Variants in SUGCT observed in about 807,000 individuals in gnomAD.
SUGCT encodes succinyl-CoA:glutarate CoA-transferase.
Under a neutral mutation model 55.0 loss-of-function variants are expected in SUGCT, and 41 were observed. That is an observed-to-expected ratio of 0.74 (90% CI 0.58 to 0.97). The LOEUF (loss-of-function observed/expected upper bound fraction) is 0.97, where lower values mean the gene tolerates loss of function less well. SUGCT is among the 50% of genes least tolerant of loss of function. SUGCT has a pLI of 0.00. For synonymous variants in SUGCT, 187 were observed against 200.4 expected (o/e 0.93, Z 0.56); for missense variants, 568 against 547.8 (o/e 1.04, Z -0.37).
chr7:40,783,096 T>C (rs1268602823), intron 13 of SUGCT, among the ~76,000 whole-genome samples: 1 of 152,178 alleles, frequency 6.6e-6, no homozygotes, highest in Non-Finnish European at 1.5e-5. Flanking sequence ...AGCTTCTTCC[T>C]GGCGTCAGTC....
intron 7 of SUGCT, among the ~76,000 whole-genome samples, chr7:40,241,275 A>C (rs1562603325): frequency 6.6e-6 from 1 of 152,098 alleles, no homozygotes. Flanking sequence ...AAAACTGGGC[A>C]TATCTAAATG....
At chr7:40,726,540 C>T (rs1378234281) in intron 12 of SUGCT, among the ~76,000 whole-genome samples, 1 of 152,016 alleles carries the variant, frequency 6.6e-6, no homozygotes, top group Non-Finnish European at 1.5e-5. Flanking sequence ...GTCCAAGGGT[C>T]ATCTGTATTA....
At position 40,245,424 on chromosome 7, in the gene SUGCT, T is replaced by TATATATATATACA. The variant is rs59609393; in HGVS notation, c.576+7698_576+7699insATATATATATACA. 6.9e-4 allele frequency among the ~76,000 whole-genome samples: 8 copies of TATATATATATACA among 11,656 alleles called. No individual in the cohort carries two copies. The South Asian group carries it at 0.023, about 34-fold the overall frequency. 7.6% of individuals were successfully genotyped at this position (11,656 alleles called of 152,430 possible). A position where few individuals can be genotyped will look rare whatever the true frequency, so the allele number is the denominator to read the frequency against. The stretch of plus-strand genomic sequence containing the variant: ...GTAGACATATATATATATATATATA[T>TATATATATATACA]TTTTTTTTTTTTTTTTTTTTTTTTT... On this transcript the variant is annotated intron_variant, in intron 7 of 13. Coordinates refer to ENST00000335693, the MANE Select transcript of SUGCT (RefSeq NM_001193313.2).
chr7:40,597,779 T>C lies in SUGCT; in HGVS notation c.1089+101393T>C, dbSNP rs1035464409. Among the ~76,000 whole-genome samples, 19 of 152,294 alleles carry C rather than the reference T, an allele frequency of 1.2e-4. No individual in the cohort carries two copies. The East Asian group carries it at 3.5e-3, about 28-fold the overall frequency. The stretch of plus-strand genomic sequence containing the variant: ...AACAGAGTCCACTATTGACCCACAG[T>C]TGAAATATAGCATGGAAGAGAAATG... On this transcript the variant is annotated intron_variant, in intron 12 of 13. Coordinates refer to ENST00000335693, the MANE Select transcript of SUGCT (RefSeq NM_001193313.2).
At chr7:40,419,528 T>C (rs1296579806) in intron 9 of SUGCT, among the ~76,000 whole-genome samples, 3 of 152,238 alleles carry the variant, frequency 2.0e-5, no homozygotes, top group Admixed American at 6.5e-5. Flanking sequence ...TACAAAGCTG[T>C]ACAAAGTTCA....
At chr7:40,561,688 C>CTTTTTTTT in intron 12 of SUGCT, among the ~76,000 whole-genome samples, 1 of 100,154 alleles carries the variant, frequency 1.0e-5, no homozygotes. Flanking sequence ...TAAGCCGAGT[C>CTTTTTTTT]TTTTTTTTTT....
chr7:40,955,313 C>CAGTA, the SUGCT span, among the ~76,000 whole-genome samples: 5 of 152,086 alleles, frequency 3.3e-5, no homozygotes, highest in African/African-American at 1.2e-4. Flanking sequence ...TTTCCTTGAG[C>CAGTA]AGTAGTTTGT....
chr7:40,649,344 T>C (rs1469846456), intron 12 of SUGCT, among the ~76,000 whole-genome samples: 4 of 152,176 alleles, frequency 2.6e-5, no homozygotes, highest in Admixed American at 2.6e-4. Flanking sequence ...TCACATTTAC[T>C]GAGTAGGTAC....
chr7:40,263,133 G>C (rs539725245), intron 7 of SUGCT, among the ~76,000 whole-genome samples: 1 of 152,140 alleles, frequency 6.6e-6, no homozygotes, highest in Non-Finnish European at 1.5e-5. Flanking sequence ...TGTTGGCCAG[G>C]CTGGTCTTGA....
At chr7:40,251,465 G>C (rs1430142576) in intron 7 of SUGCT, among the ~76,000 whole-genome samples, 1 of 152,148 alleles carries the variant, frequency 6.6e-6, no homozygotes, top group African/African-American at 2.4e-5. Flanking sequence ...TGAAGAGAAC[G>C]TACCACAGGA....
chr7:40,619,519 T>G (rs1194146771), intron 12 of SUGCT, among the ~76,000 whole-genome samples: 1 of 152,248 alleles, frequency 6.6e-6, no homozygotes, highest in Admixed American at 6.5e-5. Flanking sequence ...ATTTTATGAT[T>G]GAATTTTTTT....
At chr7:40,526,645 T>G (rs1011001124) in intron 12 of SUGCT, among the ~76,000 whole-genome samples, 3 of 152,122 alleles carry the variant, frequency 2.0e-5, no homozygotes, top group African/African-American at 7.2e-5. Context: ...AAAATTTTTG[T>G]TTATAATGGA....
intron 12 of SUGCT, among the ~76,000 whole-genome samples, chr7:40,633,169 C>A (rs1019035321): frequency 6.6e-6 from 1 of 152,166 alleles, no homozygotes; most frequent in African/African-American, 2.4e-5. Flanking sequence ...TTGTGTATAT[C>A]TTACTCATTC....
At chr7:40,943,148 C>T in the SUGCT span, among the ~76,000 whole-genome samples, 7 of 151,538 alleles carry the variant, frequency 4.6e-5, no homozygotes, top group Admixed American at 2.0e-4. Flanking sequence ...TGTCATATTG[C>T]CAGAATTATT....
chr7:40,692,473 C>T (rs1391791835), intron 12 of SUGCT, among the ~76,000 whole-genome samples: 1 of 152,084 alleles, frequency 6.6e-6, no homozygotes, highest in Non-Finnish European at 1.5e-5. Flanking sequence ...TTTTGGACTT[C>T]CGTGGTACAG....
At chr7:41,001,490 G>T in the SUGCT span, among the ~76,000 whole-genome samples, 1 of 152,088 alleles carries the variant, frequency 6.6e-6, no homozygotes, top group South Asian at 2.1e-4. Context: ...TGGAGGGAAT[G>T]TCTGAATTCA....
intron 9 of SUGCT, among the ~76,000 whole-genome samples, chr7:40,326,624 A>G (rs1796040418): frequency 6.6e-6 from 1 of 152,206 alleles, no homozygotes; most frequent in African/African-American, 2.4e-5. Flanking sequence ...CCTTCAGCTC[A>G]TTGTCCAAAT....
chr7:40,460,343 C>T (rs1236648748), intron 11 of SUGCT, among the ~76,000 whole-genome samples: 1 of 152,152 alleles, frequency 6.6e-6, no homozygotes, highest in African/African-American at 2.4e-5. Flanking sequence ...GAACTGGGTG[C>T]CCTTTTCTGG....
chr7:40,659,946 G>A (rs1238606639), intron 12 of SUGCT, among the ~76,000 whole-genome samples: 3 of 152,136 alleles, frequency 2.0e-5, no homozygotes, highest in African/African-American at 7.2e-5. Flanking sequence ...AGGAAATGTG[G>A]AGTTATGGTT....
Sources: gnomAD v4.1 joint callset for allele counts (sites outside exome capture counted in the v4.1 genomes callset) on GRCh38, gnomAD v4.1.1 for gene constraint, MANE v1.5 for transcripts, NCBI Gene and HGNC (gene_info 2026-07-23, HGNC 2026-07-21) for gene names.